Variants in PHACTR3 observed in about 807,000 individuals in gnomAD.
PHACTR3 encodes the protein protein phosphatase 1, regulatory subunit 123.
Under a neutral mutation model 66.8 loss-of-function variants are expected in PHACTR3, and 16 were observed. The observed-to-expected ratio is 0.24, with a 90% CI of 0.16 to 0.36. PHACTR3 has a LOEUF of 0.36. PHACTR3 is among the 10% of genes least tolerant of loss of function. PHACTR3 has a pLI of 1.00. For missense variants in PHACTR3, 647 were observed against 719.9 expected (o/e 0.90, Z 1.16); for synonymous variants, 323 against 292.1 (o/e 1.11, Z -1.08).
chr20:59,778,475 C>A (rs574072211), intron 7 of PHACTR3, among the ~76,000 whole-genome samples: 1 of 152,332 alleles, frequency 6.6e-6, no homozygotes, highest in Admixed American at 6.5e-5. Flanking sequence ...TTTAAAACAT[C>A]GCTCAGTGCA....
At chr20:59,723,861 T>C (rs973302297) in intron 1 of PHACTR3, among the ~76,000 whole-genome samples, 5 of 152,040 alleles carry the variant, frequency 3.3e-5, no homozygotes, top group East Asian at 1.9e-4. Flanking sequence ...AATGGTTACA[T>C]GGCGACTAGG....
At chr20:59,628,058 TC>T (rs2146383763) in intron 1 of PHACTR3, 1 of 152,286 alleles carries the variant, frequency 6.6e-6, no homozygotes, top group African/African-American at 2.4e-5. Context: ...AAAATTCTCG[TC>T]CCTGCTCAAA....
intron 1 of PHACTR3, among the ~76,000 whole-genome samples, chr20:59,714,990 G>A (rs768543408): frequency 1.3e-5 from 2 of 152,056 alleles, no homozygotes; most frequent in Non-Finnish European, 2.9e-5. Context: ...CTGGCATATA[G>A]AAATACAATT....
chr20:59,707,036 A>T (rs543591632), intron 1 of PHACTR3, among the ~76,000 whole-genome samples: 86 of 152,320 alleles, frequency 5.6e-4, no homozygotes, highest in African/African-American at 2.0e-3. Context: ...TACAGGAAAA[A>T]AAATAGTCCG....
At chr20:59,783,390 G>T (rs1462922398) in intron 7 of PHACTR3, among the ~76,000 whole-genome samples, 1 of 152,288 alleles carries the variant, frequency 6.6e-6, no homozygotes, top group South Asian at 2.1e-4. Context: ...GGAACGCACA[G>T]CCCCAGTGAC....
intron 1 of PHACTR3, among the ~76,000 whole-genome samples, chr20:59,580,565 A>C (rs896733238): frequency 6.7e-6 from 1 of 148,350 alleles, no homozygotes; most frequent in Non-Finnish European, 1.5e-5. Flanking sequence ...GCACTAAATG[A>C]GTTTTTTTTT....
At position 59,604,919 on chromosome 20, in the gene PHACTR3, A is replaced by T. The variant is rs1440297358; in HGVS notation, c.-96A>T. The T allele has an allele frequency of 1.7e-6, 2 of 1,144,526 alleles. No homozygotes were observed. The highest frequency in any genetic ancestry group is 3.2e-4 in the Middle Eastern group (1 of 3,162). The allele number at this position is 1,144,526 out of a possible 1,614,324, so 70.9% of individuals were successfully genotyped here. A position where few individuals can be genotyped will look rare whatever the true frequency, so the allele number is the denominator to read the frequency against. On this transcript the variant is annotated 5_prime_UTR_variant, in exon 1 of 13. Transcript: ENST00000371015. ...TTTTTTAATTTTCTTTTTTAAAAAG[A>T]CGCCCCCTCCAGCCCCCTCGCCGGT...
At chr20:59,788,280 T>C (rs2040984634) in intron 7 of PHACTR3, among the ~76,000 whole-genome samples, 1 of 152,130 alleles carries the variant, frequency 6.6e-6, no homozygotes, top group African/African-American at 2.4e-5. Context: ...ACAGATGCGT[T>C]TTTCTCTAGA....
chr20:59,599,580 C>A (rs540787504), upstream of PHACTR3, among the ~76,000 whole-genome samples: 2 of 152,254 alleles, frequency 1.3e-5, no homozygotes, highest in South Asian at 4.2e-4. Context: ...TCCTCCCTCC[C>A]TGATCTGATC....
At chr20:59,710,097 T>G (rs1310041143) in intron 1 of PHACTR3, among the ~76,000 whole-genome samples, 1 of 152,164 alleles carries the variant, frequency 6.6e-6, no homozygotes, top group Non-Finnish European at 1.5e-5. Flanking sequence ...TGGCTTGAGG[T>G]CTTTTCTTCT....
At chr20:59,841,934 G>C (rs1422594015) in intron 11 of PHACTR3, among the ~76,000 whole-genome samples, 1 of 152,152 alleles carries the variant, frequency 6.6e-6, no homozygotes, top group Non-Finnish European at 1.5e-5. Context: ...AGGTGGGCAA[G>C]GCTGCCATAA....
At chr20:59,715,436 T>G (rs2038058852) in intron 1 of PHACTR3, among the ~76,000 whole-genome samples, 2 of 152,252 alleles carry the variant, frequency 1.3e-5, no homozygotes, top group African/African-American at 4.8e-5. Flanking sequence ...CTGATTATTT[T>G]TAAATGTCAA....
chr20:59,816,275 A>C (rs913801851), intron 8 of PHACTR3, among the ~76,000 whole-genome samples: 1 of 152,160 alleles, frequency 6.6e-6, no homozygotes, highest in African/African-American at 2.4e-5. Context: ...CTAAGGCAGT[A>C]ATGCTTGCTC....
chr20:59,811,381 G>A (rs1480765748), intron 8 of PHACTR3, among the ~76,000 whole-genome samples: 1 of 152,186 alleles, frequency 6.6e-6, no homozygotes, highest in African/African-American at 2.4e-5. Flanking sequence ...AATGTTGGCC[G>A]GGTCCGGTGG....
rs2034223414 is a variant in PHACTR3 at position 59,621,200 on chromosome 20, C to G, written c.118+16068C>G. 2.6e-5 allele frequency among the ~76,000 whole-genome samples: 4 copies of G among 152,244 alleles called. 1 individual carries two copies. In the South Asian group the frequency reaches 8.3e-4, roughly 32 times the overall value. On this transcript the variant is annotated intron_variant, in intron 1 of 12. Transcript: ENST00000371015. ...AAGGTGCTCTCAGGGGCTGTGGGCT[C>G]CCATGCCTGCTTCCGCCTCATCCTT... is the stretch of plus-strand genomic sequence containing the variant.
At chr20:59,671,775 C>T (rs181398119) in intron 1 of PHACTR3, among the ~76,000 whole-genome samples, 29 of 152,354 alleles carry the variant, frequency 1.9e-4, no homozygotes, top group East Asian at 7.7e-4. Flanking sequence ...ATGGCTCTTG[C>T]CAGGCTGCGT....
At chr20:59,767,604 A>G (rs1337916242) in intron 5 of PHACTR3, among the ~76,000 whole-genome samples, 1 of 152,174 alleles carries the variant, frequency 6.6e-6, no homozygotes, top group African/African-American at 2.4e-5. Flanking sequence ...GGGCAGGCCC[A>G]GAGGAGTAGA....
intron 7 of PHACTR3, among the ~76,000 whole-genome samples, chr20:59,780,957 CTCA>C (rs534986610): frequency 1.8e-4 from 28 of 152,300 alleles, no homozygotes; most frequent in Non-Finnish European, 3.8e-4. Flanking sequence ...CACTGTCACC[CTCA>C]TCATCACTGT....
intron 1 of PHACTR3, among the ~76,000 whole-genome samples, chr20:59,650,158 A>G (rs2035415456): frequency 6.6e-6 from 1 of 152,226 alleles, no homozygotes; most frequent in Non-Finnish European, 1.5e-5. Flanking sequence ...AGAAATATTT[A>G]TACATCAGCA....
Sources: allele counts gnomAD v4.1 joint callset (sites outside exome capture counted in the v4.1 genomes callset), GRCh38; gene constraint gnomAD v4.1.1; transcripts MANE v1.5; gene names NCBI Gene and HGNC (gene_info 2026-07-23, HGNC 2026-07-21).